The following LRRTM3 variants were observed in gnomAD, a reference collection of about 807,000 sequenced individuals.
LRRTM3 encodes the protein leucine rich repeat transmembrane neuronal 3.
A neutral mutation model predicts 44.7 loss-of-function variants in LRRTM3; 24 were observed. The ratio of observed to expected loss-of-function variants is 0.54; its 90% CI spans 0.39 to 0.76. The LOEUF is 0.76. Among genes scored for constraint, LRRTM3 ranks in the 30% least tolerant of loss-of-function variants. The pLI, the probability that LRRTM3 is intolerant of heterozygous loss-of-function variation, is 0.00. For synonymous variants in LRRTM3, 277 were observed against 278.7 expected (o/e 0.99, Z 0.06); for missense variants, 587 against 702.2 (o/e 0.84, Z 1.85).
At chr10:67,097,443 G>A (rs1858069995) in intron 2 of LRRTM3, 144 bp from the exon 3 acceptor site, 2 of 650,428 alleles carry the variant, frequency 3.1e-6, no homozygotes, top group Admixed American at 2.6e-5. Flanking sequence ...GGGGGCATTA[G>A]CGGGATAATA....
intron 2 of LRRTM3, among the ~76,000 whole-genome samples, chr10:66,938,619 C>T (rs965481735): frequency 2.6e-5 from 4 of 152,062 alleles, no homozygotes; most frequent in Non-Finnish European, 4.4e-5. Flanking sequence ...AGATAATCCA[C>T]GTGTGAGTAG....
At chr10:67,020,007 A>G (rs1010815862) in intron 2 of LRRTM3, among the ~76,000 whole-genome samples, 2 of 26,896 alleles carry the variant, frequency 7.4e-5, no homozygotes, top group Non-Finnish European at 1.5e-4. Flanking sequence ...TTGTGTTAAT[A>G]CCAATATCAA....
chr10:67,044,796 T>C lies in LRRTM3; in HGVS notation c.1537-52791T>C, dbSNP rs576031248. Among the ~76,000 whole-genome samples the C allele has an allele frequency of 9.8e-5, 15 of 152,340 alleles. No homozygotes were observed. In the South Asian group the frequency reaches 3.1e-3, roughly 32 times the overall value. ...TCAGCCTAGCACAGTGGAAAGATCA[T>C]GGTCTTTGGAGCCAAGAAAAAACTG... On this transcript the variant is annotated intron_variant, in intron 2 of 2. Transcript: ENST00000361320.
At chr10:66,964,019 G>A (rs902124403) in intron 2 of LRRTM3, among the ~76,000 whole-genome samples, 14 of 150,982 alleles carry the variant, frequency 9.3e-5, no homozygotes, top group East Asian at 3.9e-4. Context: ...GCTAATTTTC[G>A]TATTTTTTTT....
chr10:66,930,767 T>C (rs1217691894), intron 2 of LRRTM3, among the ~76,000 whole-genome samples: 2 of 152,120 alleles, frequency 1.3e-5, no homozygotes, highest in African/African-American at 4.8e-5. Flanking sequence ...TTTTGAAAGC[T>C]GTCACTTTTT....
At position 66,994,839 on chromosome 10, in the gene LRRTM3, G is replaced by A. The variant is rs76359108; in HGVS notation, c.1536+66387G>A. 0.023 allele frequency among the ~76,000 whole-genome samples: 3,535 copies of A among 152,168 alleles called. 288 individuals carry two copies. The East Asian group carries it at 0.29, about 13-fold the overall frequency. ...AGTCCTTTGAGAATTTCTATACATT[G>A]TACAAGTTATTTAAAATCTGCCAAA... is the stretch of plus-strand genomic sequence containing the variant. On this transcript the variant is annotated intron_variant, in intron 2 of 2. Transcript: ENST00000361320.
chr10:67,093,040 C>A (rs1014121253), intron 2 of LRRTM3, among the ~76,000 whole-genome samples: 1 of 151,974 alleles, frequency 6.6e-6, no homozygotes, highest in South Asian at 2.1e-4. Flanking sequence ...AATTACCTTT[C>A]TTGGAAAACG....
chr10:67,017,116 T>C (rs1247625684), intron 2 of LRRTM3, among the ~76,000 whole-genome samples: 1 of 152,200 alleles, frequency 6.6e-6, no homozygotes, highest in African/African-American at 2.4e-5. Context: ...ATAAAATAGA[T>C]GTAACAATAA....
At chr10:66,963,162 A>G (rs1399034545) in intron 2 of LRRTM3, among the ~76,000 whole-genome samples, 1 of 152,212 alleles carries the variant, frequency 6.6e-6, no homozygotes, top group Non-Finnish European at 1.5e-5. Context: ...AGTATTTGCT[A>G]TAGAAATACT....
intron 2 of LRRTM3, among the ~76,000 whole-genome samples, chr10:66,950,625 T>C (rs978947266): frequency 5.3e-5 from 8 of 152,162 alleles, no homozygotes; most frequent in African/African-American, 1.9e-4. Flanking sequence ...TTTTCAGTTA[T>C]GTGAATGGCT....
intron 2 of LRRTM3, among the ~76,000 whole-genome samples, chr10:66,981,374 A>T (rs1054349516): frequency 6.6e-6 from 1 of 152,230 alleles, no homozygotes; most frequent in African/African-American, 2.4e-5. Flanking sequence ...TCACTCAGGC[A>T]TAAGTCACCC....
At chr10:66,961,882 T>C (rs1031663543) in intron 2 of LRRTM3, among the ~76,000 whole-genome samples, 1 of 152,164 alleles carries the variant, frequency 6.6e-6, no homozygotes, top group Non-Finnish European at 1.5e-5. Context: ...TAATGGCATA[T>C]GGAGGCCAAA....
chr10:67,039,282 T>C (rs949027192), intron 2 of LRRTM3, among the ~76,000 whole-genome samples: 2 of 152,136 alleles, frequency 1.3e-5, no homozygotes, highest in African/African-American at 4.8e-5. Flanking sequence ...AAATCCTGAA[T>C]ATTATACCTT....
Position 66,987,856 on chromosome 10 carries a change from G to T in LRRTM3, c.1536+59404G>T, listed in dbSNP as rs79602307. 7.1e-3 allele frequency among the ~76,000 whole-genome samples: 1,085 copies of T among 152,228 alleles called. 62 individuals are homozygous for T. In the East Asian group the frequency reaches 0.13, roughly 19 times the overall value. ...TTTAATCAGTGGCTTTACAATTTAA[G>T]TTAGTTTACAATGAATTAAAGGAAC... On this transcript the variant is annotated intron_variant, in intron 2 of 2. Coordinates refer to ENST00000361320, the MANE Select transcript of LRRTM3 (RefSeq NM_178011.5).
At chr10:67,084,961 T>A (rs147813527) in intron 2 of LRRTM3, among the ~76,000 whole-genome samples, 2,101 of 152,022 alleles carry the variant, frequency 0.014, 52 homozygotes, top group African/African-American at 0.048. Context: ...ATGTTATAAA[T>A]ATCAAGACAT....
intron 2 of LRRTM3, among the ~76,000 whole-genome samples, chr10:66,987,740 A>C (rs185387941): frequency 6.6e-6 from 1 of 152,334 alleles, no homozygotes; most frequent in Admixed American, 6.5e-5. Context: ...GCAAAATAAA[A>C]ATTATGAACT....
chr10:67,094,839 A>G lies in LRRTM3; in HGVS notation c.1537-2748A>G, dbSNP rs544114503. ...TGAGTAAATGTACACACATGTGCATACATATACCATATCATGTATATATCC... is the reference window on the plus strand; with the variant it reads ...TGAGTAAATGTACACACATGTGCATGCATATACCATATCATGTATATATCC... On this transcript the variant is annotated intron_variant, in intron 2 of 2. Coordinates refer to ENST00000361320, the MANE Select transcript of LRRTM3 (RefSeq NM_178011.5). 1.7e-4 allele frequency among the ~76,000 whole-genome samples: 26 copies of G among 151,888 alleles called. No individual in the cohort carries two copies. In the East Asian group the frequency reaches 4.9e-3, roughly 28 times the overall value.
chr10:66,960,972 T>G (rs1175545214), intron 2 of LRRTM3, among the ~76,000 whole-genome samples: 1 of 152,180 alleles, frequency 6.6e-6, no homozygotes, highest in East Asian at 1.9e-4. Context: ...CTGAGAACAA[T>G]GTTTTTAAAT....
At position 67,097,955 on chromosome 10, in the gene LRRTM3, A is replaced by G. The variant is rs1489878384; in HGVS notation, c.*159A>G. The G allele has an allele frequency of 1.5e-6, 1 of 652,260 alleles. No individual in the cohort carries two copies. Among genetic ancestry groups the G allele is most frequent in the Non-Finnish European group, 2.6e-6 (1 of 381,948 alleles). 40.4% of individuals were successfully genotyped at this position (652,260 alleles called of 1,614,324 possible). A position where few individuals can be genotyped will look rare whatever the true frequency, so the allele number is the denominator to read the frequency against. On this transcript the variant is annotated 3_prime_UTR_variant, in exon 3 of 3. Transcript: ENST00000361320. ...AAGATTGATTCATGAAATAAAGAAG[A>G]CATGAATTGTTTTAAGTCTACACTT... is the stretch of plus-strand genomic sequence containing the variant.
Sources: gnomAD v4.1 joint callset for allele counts (sites outside exome capture counted in the v4.1 genomes callset) on GRCh38, gnomAD v4.1.1 for gene constraint, MANE v1.5 for transcripts, NCBI Gene and HGNC (gene_info 2026-07-23, HGNC 2026-07-21) for gene names.